The following MPDZ variants were observed in gnomAD, a reference collection of about 807,000 sequenced individuals.
MPDZ encodes multiple PDZ domain protein.
Under a neutral mutation model 239.1 loss-of-function variants are expected in MPDZ, and 234 were observed. The observed-to-expected ratio is 0.98, with a 90% confidence interval of 0.88 to 1.09. MPDZ has a LOEUF of 1.09. MPDZ is among the 50% of genes least tolerant of loss of function. The pLI is 0.00. For missense variants in MPDZ, 3,175 were observed against 2,510.0 expected (o/e 1.26, Z -5.66); for synonymous variants, 1,048 against 881.3 (o/e 1.19, Z -3.35).
chr9:13,217,556 A>G (rs927033604), intron 8 of MPDZ, among the ~76,000 whole-genome samples: 1 of 151,894 alleles, frequency 6.6e-6, no homozygotes, highest in East Asian at 1.9e-4. Context: ...TTTGCGTACA[A>G]TAAATTTTAA....
intron 10 of MPDZ, among the ~76,000 whole-genome samples, chr9:13,208,622 ATG>A (rs1205381148): frequency 1.3e-5 from 2 of 150,572 alleles, no homozygotes; most frequent in Non-Finnish European, 3.0e-5. Flanking sequence ...AATTATGTAT[ATG>A]TACACATATG....
intron 27 of MPDZ, chr9:13,140,782 A>T (rs996158701): frequency 2.6e-4 from 39 of 152,238 alleles, no homozygotes; most frequent in African/African-American, 9.1e-4. Context: ...AAAAATTAAC[A>T]AAGAAGTTGC....
At chr9:13,108,655 G>GA (rs992252893) in intron 46 of MPDZ, among the ~76,000 whole-genome samples, 198 of 150,292 alleles carry the variant, frequency 1.3e-3, no homozygotes, top group African/African-American at 2.2e-3. Context: ...TGTGTTCAAA[G>GA]AAAAAAAAAT....
intron 32 of MPDZ, among the ~76,000 whole-genome samples, chr9:13,132,394 T>C (rs1292222282): frequency 6.6e-6 from 1 of 152,162 alleles, no homozygotes; most frequent in African/African-American, 2.4e-5. Context: ...TCCACCCTCA[T>C]TGCTAAATGC....
At chr9:13,149,391 C>CT (rs1948856078) in intron 25 of MPDZ, among the ~76,000 whole-genome samples, 1 of 151,990 alleles carries the variant, frequency 6.6e-6, no homozygotes, top group South Asian at 2.1e-4. Context: ...ATGAGAGTCA[C>CT]TTGTATAAAG....
chr9:13,164,952 T>G (rs1950898187), intron 22 of MPDZ, among the ~76,000 whole-genome samples: 1 of 152,154 alleles, frequency 6.6e-6, no homozygotes, highest in Non-Finnish European at 1.5e-5. Context: ...AGAGTTGAAT[T>G]AAAAATTCAA....
rs1235025480 is a variant in MPDZ, at chr9:13,224,601, A to G, written c.184-18T>C. The G allele has an allele frequency of 4.0e-6, 6 of 1,507,978 alleles. No homozygotes were observed. Among genetic ancestry groups the G allele is most frequent in the Admixed American group, 1.9e-5 (1 of 53,822 alleles). The allele number at this position is 1,507,978 out of a possible 1,614,324, so 93.4% of individuals were successfully genotyped here. A position where few individuals can be genotyped will look rare whatever the true frequency, so the allele number is the denominator to read the frequency against. ...ATATTTACCTAAGAGTAATGCAGGG[A>G]TTATTAAGAATTTTGACATTCCATA... On this transcript the variant is annotated intron_variant, in intron 3 of 46. Transcript: ENST00000319217.
At chr9:13,250,887 G>C (rs967518905) in intron 1 of MPDZ, among the ~76,000 whole-genome samples, 4 of 152,014 alleles carry the variant, frequency 2.6e-5, no homozygotes, top group Admixed American at 6.6e-5. Context: ...CCAGCACTTC[G>C]GGAAGCCAAG....
intron 18 of MPDZ, among the ~76,000 whole-genome samples, chr9:13,185,601 T>C (rs1225110062): frequency 6.6e-6 from 1 of 152,134 alleles, no homozygotes; most frequent in African/African-American, 2.4e-5. Context: ...CACATGTATA[T>C]TCATGCCTGG....
At chr9:13,244,264 G>A (rs769835919) in intron 3 of MPDZ, among the ~76,000 whole-genome samples, 7 of 152,134 alleles carry the variant, frequency 4.6e-5, no homozygotes, top group Non-Finnish European at 7.4e-5. Flanking sequence ...AGGCTGACAA[G>A]TTTCTATTAT....
intron 3 of MPDZ, among the ~76,000 whole-genome samples, chr9:13,229,483 AAAC>A (rs1564084578): frequency 6.6e-6 from 1 of 151,966 alleles, no homozygotes. Context: ...TTCTCAAGAA[AAAC>A]AATAAAGGTC....
At chr9:13,175,639 T>C in intron 21 of MPDZ, 113 bp downstream of exon 21, 1 of 1,118,794 alleles carries the variant, frequency 8.9e-7, no homozygotes, top group Non-Finnish European at 1.3e-6. Flanking sequence ...CAGGAAAATT[T>C]CTACCATCTG....
rs759466332 is a variant in MPDZ, at chr9:13,106,157, A to G, written c.*808T>C. ...GCACTAAAGATTCTGGAACCCTTCT[A>G]TGTTCCTCTATGGTTAGCAGCATAG... On this transcript the variant is annotated 3_prime_UTR_variant, in exon 47 of 47. Transcript: ENST00000319217. The G allele has an allele frequency of 2.0e-5, 3 of 152,142 alleles. No homozygotes were observed. The highest frequency in any genetic ancestry group is 4.4e-5 in the Non-Finnish European group (3 of 68,010). The allele number at this position is 152,142 out of a possible 1,614,324, so 9.4% of individuals were successfully genotyped here. A position where few individuals can be genotyped will look rare whatever the true frequency, so the allele number is the denominator to read the frequency against.
chr9:13,136,217 C>T (rs1444134802), intron 30 of MPDZ, 35 bp from the exon 31 acceptor site: 2 of 1,404,600 alleles, frequency 1.4e-6, no homozygotes, highest in Non-Finnish European at 2.0e-6. Flanking sequence ...ATTATAACAT[C>T]ATGGTATTAT....
At chr9:13,131,453 AG>A (rs767770072) in intron 32 of MPDZ, among the ~76,000 whole-genome samples, 18 of 152,224 alleles carry the variant, frequency 1.2e-4, no homozygotes, top group Non-Finnish European at 1.9e-4. Context: ...AGTGAGACCC[AG>A]ACAAGTTAAA....
intron 1 of MPDZ, among the ~76,000 whole-genome samples, chr9:13,261,158 GA>G (rs1239184805): frequency 1.3e-5 from 2 of 152,182 alleles, no homozygotes; most frequent in African/African-American, 4.8e-5. Context: ...AAGGGATGAA[GA>G]AGCTAAAATG....
intron 19 of MPDZ, among the ~76,000 whole-genome samples, chr9:13,182,503 G>A (rs983962265): frequency 2.0e-5 from 3 of 151,840 alleles, no homozygotes; most frequent in Non-Finnish European, 4.4e-5. Context: ...CTACACACAT[G>A]TACATAGATA....
At chr9:13,268,908 AG>A (rs1972386588) in intron 1 of MPDZ, among the ~76,000 whole-genome samples, 2 of 152,226 alleles carry the variant, frequency 1.3e-5, no homozygotes, top group Admixed American at 1.3e-4. Context: ...CAGGGATTAC[AG>A]GGATAGAGAA....
chr9:13,239,021 G>T (rs535159027), intron 3 of MPDZ, among the ~76,000 whole-genome samples: 1 of 152,064 alleles, frequency 6.6e-6, no homozygotes, highest in East Asian at 1.9e-4. Flanking sequence ...AAAGATTTTT[G>T]CAGACCTTAA....
Sources: allele counts gnomAD v4.1 joint callset (sites outside exome capture counted in the v4.1 genomes callset), GRCh38; gene constraint gnomAD v4.1.1; transcripts MANE v1.5; gene names NCBI Gene and HGNC (gene_info 2026-07-23, HGNC 2026-07-21).